The following NFASC variants were observed in gnomAD, a reference collection of about 807,000 sequenced individuals.
NFASC encodes the protein neurofascin, also known as neurofascin homolog.
NFASC carries 43 observed loss-of-function variants against 147.5 expected under a neutral mutation model. That is an observed-to-expected ratio of 0.29 (90% CI 0.23 to 0.38). The LOEUF is 0.38. Ranked by LOEUF, NFASC falls within the 10% of genes least tolerant of loss-of-function variation. The pLI is 1.00. For synonymous variants in NFASC, 622 were observed against 665.5 expected, an observed-to-expected ratio of 0.93 and a Z score of 1.01; for missense variants, 1,320 against 1,689.0, an observed-to-expected ratio of 0.78 and a Z score of 3.83.
intron 1 of NFASC, among the ~76,000 whole-genome samples, chr1:204,853,887 C>A (rs973458089): frequency 1.3e-5 from 2 of 152,152 alleles, no homozygotes; most frequent in Non-Finnish European, 2.9e-5. Flanking sequence ...GGGAACCCAT[C>A]CATAGGGGAG....
At chr1:204,931,054 A>G (rs1446692855) in intron 2 of NFASC, among the ~76,000 whole-genome samples, 2 of 152,174 alleles carry the variant, frequency 1.3e-5, no homozygotes, top group Non-Finnish European at 2.9e-5. Context: ...GGCAGGACAC[A>G]CACTGGCTCC....
At chr1:204,886,048 G>GTCT (rs1248602024) in intron 1 of NFASC, among the ~76,000 whole-genome samples, 1 of 152,234 alleles carries the variant, frequency 6.6e-6, no homozygotes, top group African/African-American at 2.4e-5. Context: ...GGGATGGGCA[G>GTCT]TCTTCTTCCT....
intron 21 of NFASC, among the ~76,000 whole-genome samples, chr1:204,985,568 C>T (rs1000598979): frequency 2.3e-4 from 35 of 152,284 alleles, no homozygotes; most frequent in African/African-American, 6.3e-4. Context: ...GGTTCTGGCA[C>T]GGACTCCCTG....
chr1:204,947,124 T>C (rs2093800271), intron 3 of NFASC: 3 of 306,116 alleles, frequency 9.8e-6, no homozygotes, highest in South Asian at 5.8e-5. Context: ...GAGAAGAAAA[T>C]TGCAAGTTCA....
chr1:204,870,918 G>A (rs2077572787), intron 1 of NFASC: 1 of 1,217,568 alleles, frequency 8.2e-7, no homozygotes, highest in Admixed American at 3.1e-5. Context: ...TCAGGGAAAA[G>A]AAGGATCTTG....
intron 8 of NFASC, among the ~76,000 whole-genome samples, chr1:204,967,208 T>C (rs1006083276): frequency 6.6e-6 from 1 of 152,196 alleles, no homozygotes; most frequent in Non-Finnish European, 1.5e-5. Context: ...GCCATTCCTA[T>C]GTACGATCGT....
chr1:204,981,730 G>C, intron 20 of NFASC, 68 bp from the exon 21 acceptor site: 1 of 1,033,776 alleles, frequency 9.7e-7, no homozygotes, highest in East Asian at 2.7e-5. Flanking sequence ...CAGCAAGAGA[G>C]GGCAAGCTGT....
At chr1:204,977,876 C>G (rs1173568260) in intron 17 of NFASC, among the ~76,000 whole-genome samples, 151 bp downstream of exon 17, 1 of 152,144 alleles carries the variant, frequency 6.6e-6, no homozygotes, top group Non-Finnish European at 1.5e-5. Flanking sequence ...TTTGAGTTGC[C>G]CACGTCCACC....
At chr1:205,006,122 C>T (rs1362068051) in intron 27 of NFASC, among the ~76,000 whole-genome samples, 2 of 152,170 alleles carry the variant, frequency 1.3e-5, no homozygotes, top group Non-Finnish European at 2.9e-5. Context: ...ATCCCAGTGC[C>T]CAGTTCTAGC....
At chr1:204,972,348 A>G (rs1478766415) in intron 11 of NFASC, among the ~76,000 whole-genome samples, 1 of 152,128 alleles carries the variant, frequency 6.6e-6, no homozygotes, top group Non-Finnish European at 1.5e-5. Flanking sequence ...AATTCTTTAC[A>G]TTTCTAGAAA....
chr1:205,013,456 T>G (rs1177813072), intron 29 of NFASC, among the ~76,000 whole-genome samples: 1 of 152,192 alleles, frequency 6.6e-6, no homozygotes, highest in Non-Finnish European at 1.5e-5. Flanking sequence ...ATGAGAGGAC[T>G]GAGGCCCAGA....
chr1:204,859,072 G>A (rs1490519819), intron 1 of NFASC, among the ~76,000 whole-genome samples: 4 of 151,566 alleles, frequency 2.6e-5, no homozygotes, highest in Non-Finnish European at 5.9e-5. Context: ...CTGCCTCCCG[G>A]GTGCCAGCGA....
At position 204,892,299 on chromosome 1, in the gene NFASC, A is replaced by T. The variant is rs182784362; in HGVS notation, c.-199-28333A>T. Among the ~76,000 whole-genome samples the T allele has an allele frequency of 7.7e-4, 118 of 152,338 alleles. 1 individual carries two copies. Among genetic ancestry groups the T allele is most frequent in the South Asian group, 5.0e-3 (24 of 4,826 alleles). On this transcript the variant is annotated intron_variant, in intron 1 of 29. Transcript: ENST00000339876. Reference sequence around the variant, plus strand: ...CAAATGTAGCAACACTGTCTGCTCTAGTATCCACTGTCTTGTTGCATAACA... The same window carrying T: ...CAAATGTAGCAACACTGTCTGCTCTTGTATCCACTGTCTTGTTGCATAACA...
chr1:204,895,875 T>G (rs2083289894), intron 1 of NFASC, among the ~76,000 whole-genome samples: 1 of 152,200 alleles, frequency 6.6e-6, no homozygotes, highest in Non-Finnish European at 1.5e-5. Context: ...TCTAACATCA[T>G]AATCACCTTC....
chr1:204,999,641 A>T (rs964611010), intron 25 of NFASC: 1 of 152,038 alleles, frequency 6.6e-6, no homozygotes, highest in South Asian at 2.1e-4. Context: ...GGTGCCATCA[A>T]TGGAATCACT....
intron 1 of NFASC, among the ~76,000 whole-genome samples, chr1:204,834,734 T>C (rs1673196110): frequency 6.6e-6 from 1 of 151,822 alleles, no homozygotes; most frequent in Non-Finnish European, 1.5e-5. Context: ...ATAAACAGAG[T>C]TAACAAGATA....
At chr1:204,948,663 T>A (rs771616414) in intron 3 of NFASC, 3 of 518,970 alleles carry the variant, frequency 5.8e-6, no homozygotes, top group Non-Finnish European at 1.2e-5. Context: ...GCAAACTTCC[T>A]GTATGATCTT....
At chr1:204,881,833 A>G (rs953846209) in intron 1 of NFASC, among the ~76,000 whole-genome samples, 1 of 152,144 alleles carries the variant, frequency 6.6e-6, no homozygotes, top group Non-Finnish European at 1.5e-5. Flanking sequence ...AACCCTGCTA[A>G]GTCAGTTTGA....
intron 8 of NFASC, among the ~76,000 whole-genome samples, chr1:204,961,316 C>T (rs1013997485): frequency 6.6e-6 from 1 of 152,250 alleles, no homozygotes; most frequent in Non-Finnish European, 1.5e-5. Flanking sequence ...TAGAGAGCTT[C>T]GAACCTCCAG....
Sources: allele counts gnomAD v4.1 joint callset (sites outside exome capture counted in the v4.1 genomes callset), GRCh38; gene constraint gnomAD v4.1.1; transcripts MANE v1.5; gene names NCBI Gene and HGNC (gene_info 2026-07-23, HGNC 2026-07-21).